SUGCT: variants seen among roughly 807,000 people sequenced by gnomAD.
The protein encoded by SUGCT is succinyl-CoA:glutarate-CoA transferase.
In SUGCT, 41 loss-of-function variants were observed where a neutral mutation model predicts 55.0. The observed-to-expected ratio is 0.74, with a 90% CI of 0.58 to 0.97. SUGCT has a LOEUF of 0.97. Ranked by LOEUF, SUGCT falls within the 50% of genes least tolerant of loss-of-function variation. SUGCT has a pLI of 0.00. For synonymous variants in SUGCT, 187 were observed against 200.4 expected (o/e 0.93, Z 0.56); for missense variants, 568 against 547.8 (o/e 1.04, Z -0.37).
the SUGCT span, among the ~76,000 whole-genome samples, chr7:40,961,201 T>C: frequency 6.6e-6 from 1 of 152,222 alleles, no homozygotes; most frequent in Non-Finnish European, 1.5e-5. Flanking sequence ...ACTGGATTAA[T>C]GTTTACCAAA....
rs1376799008 is a variant in SUGCT at position 40,835,612 on chromosome 7, G to A, written c.1154-24704G>A. On this transcript the variant is annotated intron_variant, in intron 13 of 13. Coordinates refer to ENST00000335693, the MANE Select transcript of SUGCT (RefSeq NM_001193313.2). ...TATGACACAGCAGGCAATCTCCCAA[G>A]GCTTACAAACAATTTGGAAGAACGT... is the stretch of plus-strand genomic sequence containing the variant. Among the ~76,000 whole-genome samples, 3 of 152,096 alleles carry A rather than the reference G, an allele frequency of 2.0e-5. No individual in the cohort carries two copies. The East Asian group carries it at 5.8e-4, about 29-fold the overall frequency.
chr7:40,279,356 G>A (rs1792794235), intron 8 of SUGCT, among the ~76,000 whole-genome samples: 1 of 152,202 alleles, frequency 6.6e-6, no homozygotes, highest in Non-Finnish European at 1.5e-5. Context: ...ACTAGCGATG[G>A]GGTTAACTCC....
intron 12 of SUGCT, among the ~76,000 whole-genome samples, chr7:40,640,284 T>C (rs1226361609): frequency 6.6e-6 from 1 of 152,208 alleles, no homozygotes; most frequent in African/African-American, 2.4e-5. Context: ...GATTTGTGTA[T>C]CTTACCACCT....
intron 13 of SUGCT, among the ~76,000 whole-genome samples, chr7:40,805,955 A>G (rs1033358555): frequency 6.6e-6 from 1 of 152,204 alleles, no homozygotes; most frequent in African/African-American, 2.4e-5. Context: ...TGAGGAGGAA[A>G]GGCTCCTTGA....
intron 12 of SUGCT, among the ~76,000 whole-genome samples, chr7:40,662,997 G>C (rs1299489108): frequency 1.3e-5 from 2 of 152,066 alleles, no homozygotes; most frequent in African/African-American, 4.8e-5. Context: ...TTATAACTGA[G>C]AATTCAATGT....
intron 12 of SUGCT, among the ~76,000 whole-genome samples, chr7:40,529,295 G>A (rs1793963603): frequency 6.6e-6 from 1 of 152,214 alleles, no homozygotes; most frequent in Admixed American, 6.5e-5. Context: ...TGGCTAATGG[G>A]AGAGGCTAAG....
At chr7:40,569,315 C>G (rs1033883825) in intron 12 of SUGCT, among the ~76,000 whole-genome samples, 1 of 152,176 alleles carries the variant, frequency 6.6e-6, no homozygotes, top group Non-Finnish European at 1.5e-5. Flanking sequence ...CTCCCCTGAT[C>G]AGTAATGTGT....
chr7:40,405,401 G>A (rs1304843468), intron 9 of SUGCT, among the ~76,000 whole-genome samples: 1 of 152,074 alleles, frequency 6.6e-6, no homozygotes, highest in Non-Finnish European at 1.5e-5. Flanking sequence ...CTAAGATAAT[G>A]TTTCCTTCTT....
At chr7:40,652,074 A>G (rs1389969503) in intron 12 of SUGCT, among the ~76,000 whole-genome samples, 1 of 152,070 alleles carries the variant, frequency 6.6e-6, no homozygotes, top group Non-Finnish European at 1.5e-5. Context: ...AAATAAATGA[A>G]TGTTATGAAG....
intron 12 of SUGCT, among the ~76,000 whole-genome samples, chr7:40,572,975 C>T (rs78992567): frequency 0.025 from 3,749 of 152,196 alleles, 171 homozygotes; most frequent in African/African-American, 0.086. Context: ...GCTGAGAAAC[C>T]CCGGGACTGA....
intron 12 of SUGCT, chr7:40,546,959 C>T (rs1795025227): frequency 6.6e-6 from 1 of 152,156 alleles, no homozygotes; most frequent in Non-Finnish European, 1.5e-5. Flanking sequence ...TTAGAGTTCT[C>T]CAGAGAAACA....
chr7:40,464,843 T>G (rs73138938), intron 11 of SUGCT, among the ~76,000 whole-genome samples: 16,436 of 152,226 alleles, frequency 0.11, 1,178 homozygotes, highest in Middle Eastern at 0.19. Context: ...CTCAGTCAGT[T>G]TGGTAGGTTA....
At chr7:40,483,372 ATGTTAG>A (rs1333722597) in intron 11 of SUGCT, among the ~76,000 whole-genome samples, 1 of 152,154 alleles carries the variant, frequency 6.6e-6, no homozygotes, top group Non-Finnish European at 1.5e-5. Flanking sequence ...CTCCCCACAA[ATGTTAG>A]TGTAGTTTTG....
intron 12 of SUGCT, among the ~76,000 whole-genome samples, chr7:40,605,276 A>G (rs930492985): frequency 3.3e-5 from 5 of 152,224 alleles, no homozygotes; most frequent in Non-Finnish European, 7.3e-5. Flanking sequence ...ATGGGGCTTT[A>G]CATTTGCTCT....
intron 13 of SUGCT, among the ~76,000 whole-genome samples, chr7:40,777,147 A>T (rs1381513157): frequency 2.0e-5 from 3 of 152,220 alleles, no homozygotes; most frequent in Non-Finnish European, 4.4e-5. Flanking sequence ...AGAGCCTCTT[A>T]TCTATCTTCA....
At chr7:40,162,880 G>A (rs1326058853) in intron 1 of SUGCT, among the ~76,000 whole-genome samples, 2 of 152,196 alleles carry the variant, frequency 1.3e-5, no homozygotes, top group African/African-American at 4.8e-5. Flanking sequence ...GTTGTTGATG[G>A]TGGTAACTCA....
chr7:40,723,098 C>G (rs1786433047), intron 12 of SUGCT, among the ~76,000 whole-genome samples: 1 of 152,036 alleles, frequency 6.6e-6, no homozygotes, highest in African/African-American at 2.4e-5. Context: ...GCTTCCAAAG[C>G]TTTGTGCTTT....
intron 9 of SUGCT, among the ~76,000 whole-genome samples, chr7:40,408,081 C>T (rs1267547895): frequency 1.3e-5 from 2 of 151,970 alleles, no homozygotes; most frequent in African/African-American, 4.8e-5. Flanking sequence ...GAAGATGATA[C>T]CTTTTTTATT....
chr7:40,486,836 C>T (rs1476026734), intron 11 of SUGCT, among the ~76,000 whole-genome samples: 3 of 151,418 alleles, frequency 2.0e-5, no homozygotes, highest in Non-Finnish European at 4.4e-5. Flanking sequence ...AGCGCTCCTC[C>T]TGCCCCAGCC....
Sources: gnomAD v4.1 joint callset for allele counts (sites outside exome capture counted in the v4.1 genomes callset) on GRCh38, gnomAD v4.1.1 for gene constraint, MANE v1.5 for transcripts, NCBI Gene and HGNC (gene_info 2026-07-23, HGNC 2026-07-21) for gene names.